Variants in NCOA2 observed in about 807,000 individuals in gnomAD.
NCOA2 encodes class E basic helix-loop-helix protein 75.
NCOA2 carries 21 observed loss-of-function variants against 145.1 expected under a neutral mutation model. The ratio of observed to expected loss-of-function variants is 0.14; its 90% CI spans 0.10 to 0.21. NCOA2 has a LOEUF of 0.21. NCOA2 is among the 10% of genes least tolerant of loss of function. The pLI, the probability that NCOA2 is intolerant of heterozygous loss-of-function variation, is 1.00. For synonymous variants in NCOA2, 619 were observed against 637.5 expected, an observed-to-expected ratio of 0.97 and a Z score of 0.44; for missense variants, 1,472 against 1,837.6, an observed-to-expected ratio of 0.80 and a Z score of 3.64.
intron 1 of NCOA2, among the ~76,000 whole-genome samples, chr8:70,354,218 A>C (rs533122399): frequency 4.6e-5 from 7 of 152,206 alleles, no homozygotes; most frequent in African/African-American, 1.7e-4. Flanking sequence ...TTTTTATAAA[A>C]GTGATTTAAA....
At chr8:70,256,892 G>A (rs972640205) in intron 2 of NCOA2, among the ~76,000 whole-genome samples, 5 of 152,180 alleles carry the variant, frequency 3.3e-5, no homozygotes, top group South Asian at 2.1e-4. Flanking sequence ...CATGAGATTG[G>A]TTTCATCCTC....
At chr8:70,316,569 A>C (rs1384560056) in intron 1 of NCOA2, among the ~76,000 whole-genome samples, 1 of 151,880 alleles carries the variant, frequency 6.6e-6, no homozygotes, top group Admixed American at 6.5e-5. Flanking sequence ...CTCCTACACT[A>C]GGTCCCAACA....
At chr8:70,389,772 G>A (rs1813020745) in intron 1 of NCOA2, among the ~76,000 whole-genome samples, 1 of 151,938 alleles carries the variant, frequency 6.6e-6, no homozygotes, top group Admixed American at 6.6e-5. Flanking sequence ...AGGTTCATGC[G>A]ATTCTCCTGC....
At chr8:70,261,943 C>T (rs1012369203) in intron 2 of NCOA2, among the ~76,000 whole-genome samples, 10 of 151,878 alleles carry the variant, frequency 6.6e-5, no homozygotes, top group Non-Finnish European at 1.5e-4. Context: ...CAGCAAACAG[C>T]GAATATGATG....
intron 2 of NCOA2, among the ~76,000 whole-genome samples, chr8:70,282,334 C>T (rs1279820392): frequency 2.6e-5 from 4 of 152,120 alleles, no homozygotes; most frequent in Admixed American, 2.0e-4. Context: ...ACTGTGCAGG[C>T]AACAGGATAA....
At chr8:70,176,145 CTT>C (rs1419030386) in intron 4 of NCOA2, among the ~76,000 whole-genome samples, 2 of 152,226 alleles carry the variant, frequency 1.3e-5, no homozygotes, top group Non-Finnish European at 1.5e-5. Flanking sequence ...GTGAAACACT[CTT>C]TAAAAATACA....
chr8:70,290,890 C>A (rs1563729076), intron 2 of NCOA2, among the ~76,000 whole-genome samples: 1 of 151,904 alleles, frequency 6.6e-6, no homozygotes, highest in Non-Finnish European at 1.5e-5. Context: ...GGGATTCTGG[C>A]AAAGTTAGCT....
At chr8:70,328,913 A>G (rs1806828726) in intron 1 of NCOA2, among the ~76,000 whole-genome samples, 1 of 152,164 alleles carries the variant, frequency 6.6e-6, no homozygotes, top group Non-Finnish European at 1.5e-5. Context: ...AGTACCTAGT[A>G]CCTACTAAAG....
At chr8:70,341,859 T>A (rs1412287927) in intron 1 of NCOA2, among the ~76,000 whole-genome samples, 1 of 152,208 alleles carries the variant, frequency 6.6e-6, no homozygotes, top group Admixed American at 6.5e-5. Context: ...TAATAATACA[T>A]GTTCAAAACC....
chr8:70,173,611 A>G (rs2132717444), intron 5 of NCOA2, among the ~76,000 whole-genome samples: 1 of 152,278 alleles, frequency 6.6e-6, no homozygotes, highest in South Asian at 2.1e-4. Context: ...AGGGAGGCTG[A>G]ATGTTTTCAA....
intron 15 of NCOA2, among the ~76,000 whole-genome samples, chr8:70,137,671 C>T (rs1269887829): frequency 6.6e-6 from 1 of 152,226 alleles, no homozygotes; most frequent in Non-Finnish European, 1.5e-5. Flanking sequence ...GGCTATCTAC[C>T]TGGGGCATGC....
At chr8:70,346,765 T>C (rs1394755412) in intron 1 of NCOA2, among the ~76,000 whole-genome samples, 2 of 152,242 alleles carry the variant, frequency 1.3e-5, no homozygotes, top group Non-Finnish European at 2.9e-5. Context: ...GTACTCAAGC[T>C]GTTAGGTTGC....
At chr8:70,258,086 T>C (rs965824783) in intron 2 of NCOA2, among the ~76,000 whole-genome samples, 3 of 152,044 alleles carry the variant, frequency 2.0e-5, no homozygotes, top group South Asian at 4.1e-4. Flanking sequence ...CGGCTAATTT[T>C]TTATATTTTT....
intron 1 of NCOA2, among the ~76,000 whole-genome samples, chr8:70,397,328 C>T (rs774129255): frequency 5.3e-5 from 8 of 152,078 alleles, no homozygotes; most frequent in Non-Finnish European, 8.8e-5. Context: ...TGACATGTGA[C>T]GGCAGTCCCA....
At position 70,144,848 on chromosome 8, in the gene NCOA2, G is replaced by A. The variant is rs1346446680; in HGVS notation, c.2606C>T (p.Thr869Ile). Residue 869 changes from threonine (T) to isoleucine (I), a missense_variant and splice_region_variant, in exon 13 of 23, where the codon ACT (threonine) becomes ATT (isoleucine). This residue lies in a region of NCOA2 where 953 missense variants were observed against 1,062.1 expected (regional missense o/e 0.90). Transcript: ENST00000452400. ...TTGCCCTGGTCGTGGGTTATTAAAA[G>A]CTAAGGAGAAAACAAATGAAAATTG... is the stretch of plus-strand genomic sequence containing the variant. ...QKTALRISQS[T>I]FNNPRPGQLG... 4 of 1,613,192 alleles carry A rather than the reference G, an allele frequency of 2.5e-6. No individual in the cohort carries two copies. The highest frequency in any genetic ancestry group is 2.7e-5 in the African/African-American group (2 of 74,894).
At chr8:70,240,113 T>C (rs563820746) in intron 2 of NCOA2, among the ~76,000 whole-genome samples, 1 of 152,292 alleles carries the variant, frequency 6.6e-6, no homozygotes, top group East Asian at 1.9e-4. Context: ...AGGGCAGCCC[T>C]ATTTGACTGC....
intron 2 of NCOA2, among the ~76,000 whole-genome samples, chr8:70,253,694 A>G (rs2926706): frequency 0.64 from 96,605 of 152,074 alleles, 32,781 homozygotes; most frequent in Non-Finnish European, 0.76. Context: ...AAAATTGGAT[A>G]TCCTCATGAA....
chr8:70,349,391 T>C (rs181189560), intron 1 of NCOA2, among the ~76,000 whole-genome samples: 2 of 152,258 alleles, frequency 1.3e-5, no homozygotes, highest in Admixed American at 1.3e-4. Flanking sequence ...TCTAAAGAAA[T>C]GTATGTTACC....
intron 1 of NCOA2, among the ~76,000 whole-genome samples, chr8:70,381,328 A>G (rs186004481): frequency 4.6e-5 from 7 of 152,340 alleles, no homozygotes; most frequent in Middle Eastern, 3.4e-3. Context: ...ATTAAAATGT[A>G]ACTTCTATTT....
Sources: gnomAD v4.1 joint callset for allele counts (sites outside exome capture counted in the v4.1 genomes callset) on GRCh38, gnomAD v4.1.1 for gene constraint, gnomAD v4.1.1 regional missense constraint, MANE v1.5 for transcripts, NCBI Gene and HGNC (gene_info 2026-07-23, HGNC 2026-07-21) for gene names.